Variants in RASGEF1C observed in about 807,000 individuals in gnomAD.
RASGEF1C encodes RasGEF domain family member 1C, also known as ras-GEF domain-containing family member 1C.
A neutral mutation model predicts 58.1 loss-of-function variants in RASGEF1C; 27 were observed. The ratio of observed to expected loss-of-function variants is 0.46; its 90% confidence interval spans 0.34 to 0.64. The LOEUF (loss-of-function observed/expected upper bound fraction) is 0.64, where lower values mean the gene tolerates loss of function less well. Ranked by LOEUF, RASGEF1C falls within the 30% of genes least tolerant of loss-of-function variation. The pLI is 0.01. For missense variants in RASGEF1C, 502 were observed against 605.1 expected (o/e 0.83, Z 1.79); for synonymous variants, 243 against 246.3 (o/e 0.99, Z 0.13).
chr5:180,163,072 A>G (rs1226606512), intron 1 of RASGEF1C, among the ~76,000 whole-genome samples: 1 of 151,986 alleles, frequency 6.6e-6, no homozygotes, highest in African/African-American at 2.4e-5. Context: ...TTGATTGTTG[A>G]CTTTGTATCC....
intron 1 of RASGEF1C, among the ~76,000 whole-genome samples, chr5:180,204,250 A>G (rs1188636643): frequency 6.6e-6 from 1 of 152,218 alleles, no homozygotes; most frequent in Non-Finnish European, 1.5e-5. Context: ...GCATTTGTGT[A>G]CAAGTCTTTG....
intron 4 of RASGEF1C, among the ~76,000 whole-genome samples, chr5:180,130,618 C>T (rs1160208837): frequency 1.9e-4 from 29 of 152,210 alleles, no homozygotes; most frequent in Admixed American, 1.8e-3. Flanking sequence ...AGCCAGTGGC[C>T]GTTTCTCAGG....
At chr5:180,163,287 A>C (rs114034101) in intron 1 of RASGEF1C, among the ~76,000 whole-genome samples, 1 of 124,850 alleles carries the variant, frequency 8.0e-6, no homozygotes, top group Non-Finnish European at 1.6e-5. Flanking sequence ...TTCCAGTAGG[A>C]TACTGATAGG....
In RASGEF1C at chr5:180,114,558, G is replaced by A. The variant is rs748363945; in HGVS notation, c.1084-17C>T. On this transcript the variant is annotated splice_polypyrimidine_tract_variant and intron_variant, in intron 10 of 13. Coordinates refer to ENST00000361132, the MANE Select transcript of RASGEF1C (RefSeq NM_175062.4). ...AATGACAATCTGGAAGAAAGAGGGGGCAGGTCGGCCCCAGCCGGCCCTCCA... is the reference window on the plus strand; with the variant it reads ...AATGACAATCTGGAAGAAAGAGGGGACAGGTCGGCCCCAGCCGGCCCTCCA... 7.5e-6 allele frequency: 12 copies of A among 1,603,194 alleles called. No homozygotes were observed. The East Asian group carries it at 2.0e-4, about 27-fold the overall frequency.
At chr5:180,203,229 T>C (rs902409978) in intron 1 of RASGEF1C, among the ~76,000 whole-genome samples, 5 of 152,208 alleles carry the variant, frequency 3.3e-5, no homozygotes, top group Non-Finnish European at 1.5e-5. Context: ...GCAAAGATGA[T>C]AGGATATCAC....
At chr5:180,163,442 AG>A (rs1766976816) in intron 1 of RASGEF1C, among the ~76,000 whole-genome samples, 1 of 151,746 alleles carries the variant, frequency 6.6e-6, no homozygotes, top group South Asian at 2.1e-4. Flanking sequence ...CTAGTTTGTG[AG>A]GAGTTTTATC....
rs1766501188 is a variant in RASGEF1C, at chr5:180,137,434, T to C, written c.300+156A>G. ...AGGTTAAAGGTCCTGTTCTGCTCCT[T>C]CTGGCTCTGGGCCTCAGACAAGGTG... On this transcript the variant is annotated intron_variant, in intron 3 of 13. Coordinates refer to ENST00000361132, the MANE Select transcript of RASGEF1C (RefSeq NM_175062.4). The surrounding 1 kb of genome is among the most constrained non-coding windows in gnomAD (Gnocchi z 4.1). Among the ~76,000 whole-genome samples, 1 of 152,182 alleles carries C rather than the reference T, an allele frequency of 6.6e-6. No individual in the cohort carries two copies. The highest frequency in any genetic ancestry group is 2.1e-4 in the South Asian group (1 of 4,830).
At chr5:180,175,086 C>T (rs1414278489) in intron 1 of RASGEF1C, among the ~76,000 whole-genome samples, 1 of 152,136 alleles carries the variant, frequency 6.6e-6, no homozygotes, top group African/African-American at 2.4e-5. Flanking sequence ...GCCCAGGGCT[C>T]CACACCAGGG....
At chr5:180,152,959 A>G (rs1275274502) in intron 1 of RASGEF1C, among the ~76,000 whole-genome samples, 1 of 150,152 alleles carries the variant, frequency 6.7e-6, no homozygotes, top group African/African-American at 2.5e-5. Context: ...CTGTACTGGG[A>G]TCAGCATAAG....
intron 3 of RASGEF1C, chr5:180,136,735 C>T (rs1766485525): frequency 1.8e-6 from 1 of 567,204 alleles, no homozygotes; most frequent in Admixed American, 3.2e-5. Flanking sequence ...TCTGGCCTTT[C>T]TGCGGTTGAC....
intron 6 of RASGEF1C, 54 bp downstream of exon 6, chr5:180,127,555 C>G: frequency 6.6e-7 from 1 of 1,514,840 alleles, no homozygotes; most frequent in Non-Finnish European, 8.9e-7. Context: ...CCCCGGAGAG[C>G]GGCCAGTCAC....
At chr5:180,182,384 G>A (rs571741596) in intron 1 of RASGEF1C, among the ~76,000 whole-genome samples, 66 of 152,080 alleles carry the variant, frequency 4.3e-4, no homozygotes, top group African/African-American at 1.5e-3. Flanking sequence ...TAAAGGTGGC[G>A]CGGACCCAAA....
At chr5:180,152,578 G>C (rs1384861991) in intron 1 of RASGEF1C, among the ~76,000 whole-genome samples, 1 of 110,064 alleles carries the variant, frequency 9.1e-6, no homozygotes, top group African/African-American at 3.4e-5. Context: ...TGGGGGGAGG[G>C]GGGAGGGATA....
intron 1 of RASGEF1C, among the ~76,000 whole-genome samples, chr5:180,173,885 C>T (rs527372674): frequency 4.5e-4 from 66 of 145,254 alleles, no homozygotes; most frequent in African/African-American, 1.7e-3. Context: ...TGCACTCCAG[C>T]CTGGGCAACA....
At chr5:180,169,729 C>T (rs989320693) in intron 1 of RASGEF1C, among the ~76,000 whole-genome samples, 14 of 152,200 alleles carry the variant, frequency 9.2e-5, no homozygotes, top group Admixed American at 5.2e-4. Context: ...TCATTGGCTA[C>T]GTCACACAAC....
chr5:180,184,377 C>A (rs1015314754), intron 1 of RASGEF1C, among the ~76,000 whole-genome samples: 3 of 152,004 alleles, frequency 2.0e-5, no homozygotes, highest in Non-Finnish European at 4.4e-5. Context: ...GAGTTTGAGA[C>A]CAGCCTGACC....
Position 180,121,248 on chromosome 5 carries a change from G to A in RASGEF1C, c.715-99C>T. 2 of 804,288 alleles carry A rather than the reference G, an allele frequency of 2.5e-6. 1 individual carries two copies. The highest frequency in any genetic ancestry group is 3.0e-5 in the South Asian group (2 of 67,786). 49.8% of individuals were successfully genotyped at this position (804,288 alleles called of 1,614,324 possible). A position where few individuals can be genotyped will look rare whatever the true frequency, so the allele number is the denominator to read the frequency against. The stretch of plus-strand genomic sequence containing the variant: ...TCATGATCCTTACGATCTGGGAAAT[G>A]TTAAAACCCCCAAACCATCCAGAAA... On this transcript the variant is annotated intron_variant, in intron 6 of 13. Transcript: ENST00000361132.
At chr5:180,203,063 A>C (rs1026637246) in intron 1 of RASGEF1C, among the ~76,000 whole-genome samples, 2 of 152,170 alleles carry the variant, frequency 1.3e-5, no homozygotes, top group Non-Finnish European at 2.9e-5. Flanking sequence ...TCAAAGGGTG[A>C]CTGGGAAAAC....
At chr5:180,120,924 G>C (rs1766158475) in intron 7 of RASGEF1C, 136 bp downstream of exon 7, 3 of 636,906 alleles carry the variant, frequency 4.7e-6, no homozygotes, top group Non-Finnish European at 8.6e-6. Context: ...AGTCCTGGAG[G>C]GGTGCCCAGC....
Sources: gnomAD v4.1 joint callset for allele counts (sites outside exome capture counted in the v4.1 genomes callset) on GRCh38, gnomAD v4.1.1 for gene constraint, Gnocchi (gnomAD v3.1) non-coding constraint, MANE v1.5 for transcripts, NCBI Gene and HGNC (gene_info 2026-07-23, HGNC 2026-07-21) for gene names.